The following UTRN variants were observed in gnomAD, a reference collection of about 807,000 sequenced individuals.
UTRN encodes utrophin, also known as dystrophin-related protein 1.
In UTRN, 283 loss-of-function variants were observed where a neutral mutation model predicts 463.9. The ratio of observed to expected loss-of-function variants is 0.61; its 90% CI spans 0.55 to 0.67. UTRN has a LOEUF of 0.67. Ranked by LOEUF, UTRN falls within the 30% of genes least tolerant of loss-of-function variation. The probability of loss-of-function intolerance (pLI) is 0.00; values close to 1 mark genes in which losing one functional copy is unlikely to be tolerated. For missense variants in UTRN, 3,922 were observed against 4,084.3 expected, an observed-to-expected ratio of 0.96 and a Z score of 1.08; for synonymous variants, 1,442 against 1,431.5, an observed-to-expected ratio of 1.01 and a Z score of -0.17.
intron 58 of UTRN, among the ~76,000 whole-genome samples, chr6:144,758,809 G>C (rs970970143): frequency 2.0e-5 from 3 of 152,014 alleles, no homozygotes. Flanking sequence ...TGTGTCAGAC[G>C]AACAGCATCA....
intron 53 of UTRN, among the ~76,000 whole-genome samples, chr6:144,723,915 C>T (rs1475498211): frequency 6.9e-6 from 1 of 144,958 alleles, no homozygotes; most frequent in African/African-American, 2.6e-5. Context: ...GAGGCTAAGG[C>T]GGCAGAATTG....
intron 65 of UTRN, among the ~76,000 whole-genome samples, chr6:144,811,109 CT>C (rs34131412): frequency 4.0e-5 from 6 of 151,500 alleles, no homozygotes; most frequent in South Asian, 4.2e-4. Flanking sequence ...TAAATTGTGC[CT>C]TTTTTTTATG....
chr6:144,722,636 A>G lies in UTRN; in HGVS notation c.7810-7721A>G, dbSNP rs768741777. Among the ~76,000 whole-genome samples, 46 of 152,282 alleles carry G rather than the reference A, an allele frequency of 3.0e-4. No individual in the cohort carries two copies. The Middle Eastern group carries it at 0.024, about 79-fold the overall frequency. On this transcript the variant is annotated intron_variant, in intron 53 of 74. Coordinates refer to ENST00000367545, the MANE Select transcript of UTRN (RefSeq NM_007124.3). ...CTGTGTAACATAGGAACCCTTAGAC[A>G]TATGTAACCATTTGTATTTAAATCA...
intron 56 of UTRN, 104 bp downstream of exon 56, chr6:144,752,056 G>T: frequency 5.9e-6 from 7 of 1,186,400 alleles, no homozygotes; most frequent in Non-Finnish European, 7.8e-6. Context: ...TTTGCTGATG[G>T]TATTTGATAA....
chr6:144,699,860 T>A (rs1285907546), intron 52 of UTRN, among the ~76,000 whole-genome samples: 2 of 148,620 alleles, frequency 1.3e-5, no homozygotes, highest in Non-Finnish European at 3.0e-5. Context: ...TAAATATATA[T>A]ACTTATGTAA....
rs1776856469 is a variant in UTRN at position 144,634,250 on chromosome 6, CA to C, written c.7480-44155del. On this transcript the variant is annotated intron_variant, in intron 51 of 74. Transcript: ENST00000367545. ...GTTTAGAAAATCTGAACTGCTGGGC[CA>C]CCCTGAAGTATCTTGAATTGAGGAG... 3.3e-5 allele frequency among the ~76,000 whole-genome samples: 5 copies of C among 152,318 alleles called. No individual in the cohort carries two copies. In the South Asian group the frequency reaches 1.0e-3, roughly 32 times the overall value.
chr6:144,412,109 G>A (rs993099670), intron 3 of UTRN, among the ~76,000 whole-genome samples: 1 of 152,038 alleles, frequency 6.6e-6, no homozygotes, highest in Non-Finnish European at 1.5e-5. Context: ...TCTTCATTTC[G>A]TTGATTCAAC....
chr6:144,637,151 G>A (rs1201363764), intron 51 of UTRN, among the ~76,000 whole-genome samples: 1 of 152,014 alleles, frequency 6.6e-6, no homozygotes, highest in Non-Finnish European at 1.5e-5. Context: ...TGTATTTTTG[G>A]TAGAGACAGG....
intron 64 of UTRN, 140 bp from the exon 65 acceptor site, chr6:144,802,896 A>G (rs936403109): frequency 1.3e-5 from 6 of 461,188 alleles, no homozygotes; most frequent in African/African-American, 1.2e-4. Context: ...GTATAAACAG[A>G]TAGAAGCATG....
chr6:144,562,072 T>G (rs1250659639), intron 50 of UTRN, among the ~76,000 whole-genome samples: 1 of 152,162 alleles, frequency 6.6e-6, no homozygotes, highest in African/African-American at 2.4e-5. Context: ...GCAGTTTCCT[T>G]GGTTTGCAGA....
chr6:144,612,923 T>C (rs1805678607), intron 51 of UTRN, among the ~76,000 whole-genome samples: 1 of 152,094 alleles, frequency 6.6e-6, no homozygotes, highest in Admixed American at 6.5e-5. Context: ...GTAGCATTAT[T>C]CACAATAGCC....
chr6:144,851,122 T>C lies in UTRN; in HGVS notation c.*125T>C. ...TTGGCCCACGATGTTGAGTGCTGAC[T>C]GTGTGTTCTACTGAAAGAGTAAAAC... On this transcript the variant is annotated 3_prime_UTR_variant, in exon 75 of 75. Coordinates refer to ENST00000367545, the MANE Select transcript of UTRN (RefSeq NM_007124.3). 8.1e-7 allele frequency: 1 copy of C among 1,237,642 alleles called. No individual in the cohort carries two copies. Among genetic ancestry groups the C allele is most frequent in the Non-Finnish European group, 1.2e-6 (1 of 839,130 alleles). 76.7% of individuals were successfully genotyped at this position (1,237,642 alleles called of 1,614,324 possible).
At chr6:144,400,349 A>C (rs1420042389) in intron 2 of UTRN, among the ~76,000 whole-genome samples, 2 of 152,320 alleles carry the variant, frequency 1.3e-5, no homozygotes, top group Non-Finnish European at 2.9e-5. Context: ...AAATAATTTC[A>C]GACTGTGGAA....
At chr6:144,607,979 AATC>A (rs1805052657) in intron 51 of UTRN, among the ~76,000 whole-genome samples, 1 of 152,206 alleles carries the variant, frequency 6.6e-6, no homozygotes, top group South Asian at 2.1e-4. Context: ...TTCTAACACA[AATC>A]TTGTGTTCCC....
At chr6:144,756,775 T>C (rs1792041163) in intron 57 of UTRN, among the ~76,000 whole-genome samples, 1 of 152,100 alleles carries the variant, frequency 6.6e-6, no homozygotes, top group African/African-American at 2.4e-5. Flanking sequence ...GGAGGAATTG[T>C]TGAGTAGAAG....
At chr6:144,705,564 C>G (rs1031778575) in intron 53 of UTRN, among the ~76,000 whole-genome samples, 1 of 152,106 alleles carries the variant, frequency 6.6e-6, no homozygotes, top group Non-Finnish European at 1.5e-5. Flanking sequence ...TGATACTGAT[C>G]CCATTGATGA....
chr6:144,503,362 C>T (rs896687028), intron 34 of UTRN, among the ~76,000 whole-genome samples: 4 of 152,084 alleles, frequency 2.6e-5, no homozygotes, highest in African/African-American at 7.2e-5. Flanking sequence ...AGGTTTTCTT[C>T]TAGGGTTTTT....
chr6:144,723,653 G>T (rs1223745053), intron 53 of UTRN, among the ~76,000 whole-genome samples: 1 of 152,152 alleles, frequency 6.6e-6, no homozygotes, highest in Non-Finnish European at 1.5e-5. Context: ...TGCACATACT[G>T]AACACACAGA....
intron 51 of UTRN, among the ~76,000 whole-genome samples, chr6:144,598,708 G>T (rs141150239): frequency 1.3e-5 from 2 of 152,298 alleles, no homozygotes; most frequent in East Asian, 3.9e-4. Context: ...TTACTAGAGA[G>T]AGTCTGTTTT....
Sources: allele counts gnomAD v4.1 joint callset (sites outside exome capture counted in the v4.1 genomes callset), GRCh38; gene constraint gnomAD v4.1.1; transcripts MANE v1.5; gene names NCBI Gene and HGNC (gene_info 2026-07-23, HGNC 2026-07-21).